The following SYNPR variants were observed in gnomAD, a reference collection of about 807,000 sequenced individuals.
The protein encoded by SYNPR is synaptoporin.
SYNPR carries 23 observed loss-of-function variants against 32.9 expected under a neutral mutation model. The observed-to-expected ratio is 0.70, with a 90% CI of 0.50 to 0.99. SYNPR has a LOEUF of 0.99. SYNPR is among the 50% of genes least tolerant of loss of function. The probability of loss-of-function intolerance (pLI) is 0.00; values close to 1 mark genes in which losing one functional copy is unlikely to be tolerated. For synonymous variants in SYNPR, 146 were observed against 135.9 expected (o/e 1.07, Z -0.52); for missense variants, 318 against 349.3 (o/e 0.91, Z 0.71).
chr3:63,330,229 G>T (rs758886801), intron 2 of SYNPR: 1 of 152,068 alleles, frequency 6.6e-6, no homozygotes, highest in African/African-American at 2.4e-5. Flanking sequence ...GTTTCCTCTA[G>T]GTTCTACTGG....
Position 63,310,058 on chromosome 3 carries a change from A to G in SYNPR, c.84+31316A>G, listed in dbSNP as rs149058150. 6.0e-3 allele frequency among the ~76,000 whole-genome samples: 914 copies of G among 151,936 alleles called. 8 individuals carry two copies. The highest frequency in any genetic ancestry group is 0.021 in the African/African-American group (877 of 41,494). ...CAAGCAGATACCCCATACCCAGCTC[A>G]GTTTAGGGAAGAGCTACCCCCTACC... On this transcript the variant is annotated intron_variant, in intron 2 of 5. Coordinates refer to ENST00000478300, the MANE Select transcript of SYNPR (RefSeq NM_001130003.2).
intron 2 of SYNPR, among the ~76,000 whole-genome samples, chr3:63,386,182 G>A (rs2088041748): frequency 6.6e-6 from 1 of 152,198 alleles, no homozygotes; most frequent in South Asian, 2.1e-4. Flanking sequence ...ACAACTGTCT[G>A]TAATTAATCC....
chr3:63,519,093 G>C, intron 3 of SYNPR, among the ~76,000 whole-genome samples: 1 of 152,128 alleles, frequency 6.6e-6, no homozygotes, highest in East Asian at 1.9e-4. Context: ...AACTAACCTT[G>C]CATCCCAGGA....
At chr3:63,331,992 A>T (rs1207901455) in intron 2 of SYNPR, among the ~76,000 whole-genome samples, 1 of 152,204 alleles carries the variant, frequency 6.6e-6, no homozygotes, top group African/African-American at 2.4e-5. Context: ...TATGAATCCC[A>T]AAGTTGTCTT....
intron 2 of SYNPR, among the ~76,000 whole-genome samples, chr3:63,382,327 G>A (rs2087982052): frequency 6.6e-6 from 1 of 152,156 alleles, no homozygotes; most frequent in Non-Finnish European, 1.5e-5. Flanking sequence ...CACCCAGGTT[G>A]GATTTGGAGG....
chr3:63,507,251 A>G (rs1701606661), intron 3 of SYNPR, among the ~76,000 whole-genome samples: 1 of 152,200 alleles, frequency 6.6e-6, no homozygotes, highest in Admixed American at 6.5e-5. Flanking sequence ...TATTTTAACC[A>G]TATCTGCCCC....
chr3:63,563,974 GAAA>G (rs56364011), intron 4 of SYNPR, among the ~76,000 whole-genome samples: 9,172 of 145,978 alleles, frequency 0.063, 934 homozygotes, highest in African/African-American at 0.22. Flanking sequence ...CTCAAATATG[GAAA>G]AAAAAAAAAA....
chr3:63,317,966 C>T (rs2087060866), intron 2 of SYNPR, among the ~76,000 whole-genome samples: 2 of 151,986 alleles, frequency 1.3e-5, no homozygotes, highest in Admixed American at 1.3e-4. Context: ...TGAATTCTCT[C>T]AGCATTTGTT....
intron 2 of SYNPR, among the ~76,000 whole-genome samples, chr3:63,309,721 G>A (rs902550887): frequency 2.6e-5 from 4 of 151,714 alleles, no homozygotes; most frequent in African/African-American, 4.8e-5. Context: ...TCCTAGACAC[G>A]GGCAGCCTTC....
chr3:63,289,218 A>G (rs1446522724), intron 2 of SYNPR, among the ~76,000 whole-genome samples: 3 of 152,246 alleles, frequency 2.0e-5, no homozygotes, highest in Admixed American at 1.3e-4. Context: ...AAGGGTTTCA[A>G]TATAGCATTG....
At chr3:63,599,162 T>C (rs1253199605) in intron 4 of SYNPR, among the ~76,000 whole-genome samples, 2 of 152,166 alleles carry the variant, frequency 1.3e-5, no homozygotes, top group Admixed American at 6.5e-5. Flanking sequence ...TAGATTATAA[T>C]GAAGCTGAAA....
chr3:63,345,257 A>G (rs2087422858), intron 2 of SYNPR, among the ~76,000 whole-genome samples: 1 of 152,246 alleles, frequency 6.6e-6, no homozygotes, highest in African/African-American at 2.4e-5. Flanking sequence ...GGAAGGGGCT[A>G]GTATCATCCT....
chr3:63,462,130 T>C lies in SYNPR; in HGVS notation c.85-18702T>C, dbSNP rs542849274. On this transcript the variant is annotated intron_variant, in intron 2 of 5. Coordinates refer to ENST00000478300, the MANE Select transcript of SYNPR (RefSeq NM_001130003.2). The stretch of plus-strand genomic sequence containing the variant: ...AGTTCTTGCCCTTCACAGAATTTTC[T>C]GTCTGAGTCTGCATTCATCTATGTC... 2.0e-3 allele frequency among the ~76,000 whole-genome samples: 309 copies of C among 152,154 alleles called. 1 individual carries two copies. The highest frequency in any genetic ancestry group is 7.0e-3 in the African/African-American group (290 of 41,540).
intron 3 of SYNPR, among the ~76,000 whole-genome samples, chr3:63,520,012 T>C (rs1385080011): frequency 1.3e-5 from 2 of 152,146 alleles, no homozygotes; most frequent in African/African-American, 4.8e-5. Flanking sequence ...TCTAAACATA[T>C]AAATCTCCAA....
chr3:63,424,369 T>C (rs1390930659), intron 2 of SYNPR, among the ~76,000 whole-genome samples: 2 of 152,176 alleles, frequency 1.3e-5, no homozygotes, highest in Non-Finnish European at 2.9e-5. Flanking sequence ...CCAGTCTATA[T>C]TGAAATCCTG....
intron 2 of SYNPR, among the ~76,000 whole-genome samples, chr3:63,461,693 G>T (rs1436580376): frequency 6.6e-6 from 1 of 151,740 alleles, no homozygotes; most frequent in Non-Finnish European, 1.5e-5. Context: ...GGTGTCTCTG[G>T]ATTTGGCTAA....
At chr3:63,290,292 T>C (rs1191281983) in intron 2 of SYNPR, among the ~76,000 whole-genome samples, 3 of 152,206 alleles carry the variant, frequency 2.0e-5, no homozygotes, top group African/African-American at 4.8e-5. Flanking sequence ...TTTTTCTGCA[T>C]TGTCTTCCAT....
intron 2 of SYNPR, among the ~76,000 whole-genome samples, chr3:63,307,752 C>T (rs895657782): frequency 1.3e-5 from 2 of 151,962 alleles, no homozygotes; most frequent in Admixed American, 6.6e-5. Context: ...ATTAAGTTTT[C>T]GTAAAAGAGG....
chr3:63,609,529 G>GT (rs757413488), intron 5 of SYNPR, among the ~76,000 whole-genome samples: 2 of 152,182 alleles, frequency 1.3e-5, no homozygotes, highest in Non-Finnish European at 2.9e-5. Context: ...CGATTAAGGA[G>GT]TTTTTCTTAA....
Sources: allele counts gnomAD v4.1 joint callset (sites outside exome capture counted in the v4.1 genomes callset), GRCh38; gene constraint gnomAD v4.1.1; transcripts MANE v1.5; gene names NCBI Gene and HGNC (gene_info 2026-07-23, HGNC 2026-07-21).